Variants in GMPS observed in about 807,000 individuals in gnomAD.
GMPS encodes the protein guanosine monophosphate synthase.
GMPS carries 15 observed loss-of-function variants against 77.9 expected under a neutral mutation model. The observed-to-expected ratio is 0.19, with a 90% CI of 0.13 to 0.30. The LOEUF (loss-of-function observed/expected upper bound fraction) is 0.30. Ranked by LOEUF, GMPS falls within the 10% of genes least tolerant of loss-of-function variation. The probability of loss-of-function intolerance (pLI) is 1.00; values close to 1 mark genes in which losing one functional copy is unlikely to be tolerated. For synonymous variants in GMPS, 224 were observed against 275.9 expected (o/e 0.81, Z 1.86); for missense variants, 590 against 838.8 (o/e 0.70, Z 3.66).
intron 10 of GMPS, among the ~76,000 whole-genome samples, chr3:155,920,511 G>GA (rs1755291612): frequency 2.0e-5 from 3 of 149,066 alleles, no homozygotes; most frequent in Non-Finnish European, 4.4e-5. Flanking sequence ...GGAGGCAGAG[G>GA]TTGCAGTGAG....
rs1392819702 is a variant in GMPS at position 155,942,635 on chromosome 3, G to C, written c.*4943G>C. 1 of 228,860 alleles carries C rather than the reference G, an allele frequency of 4.4e-6. No individual in the cohort carries two copies. The highest frequency in any genetic ancestry group is 8.7e-6 in the Non-Finnish European group (1 of 115,324). The allele number at this position is 228,860 out of a possible 1,614,324, so 14.2% of individuals were successfully genotyped here. On this transcript the variant is annotated 3_prime_UTR_variant, in exon 16 of 16. Coordinates refer to ENST00000496455, the MANE Select transcript of GMPS (RefSeq NM_003875.3). ...CCCAGGACCTGTTTGGTAATAATTAGGACAGCTGACATACTTGTTGCTAAT... is the reference window on the plus strand; with the variant it reads ...CCCAGGACCTGTTTGGTAATAATTACGACAGCTGACATACTTGTTGCTAAT...
Position 155,941,570 on chromosome 3 carries a change from C to T in GMPS, c.*3878C>T. On this transcript the variant is annotated 3_prime_UTR_variant, in exon 16 of 16. Coordinates refer to ENST00000496455, the MANE Select transcript of GMPS (RefSeq NM_003875.3). ...GCAATGTTATAACCACTTTCCCACA[C>T]TACTCCCCTCCAGAAATCTCATTGA... 4.5e-6 allele frequency: 1 copy of T among 221,188 alleles called. No individual in the cohort carries two copies. Among genetic ancestry groups the T allele is most frequent in the Middle Eastern group, 1.4e-3 (1 of 718 alleles). The allele number at this position is 221,188 out of a possible 1,614,324, so 13.7% of individuals were successfully genotyped here.
At chr3:155,932,314 A>ACACACC (rs1491435889) in intron 13 of GMPS, among the ~76,000 whole-genome samples, 2 of 146,342 alleles carry the variant, frequency 1.4e-5, no homozygotes, top group Non-Finnish European at 3.0e-5. Flanking sequence ...ACACACACAC[A>ACACACC]CCCCTACAAA....
intron 1 of GMPS, 130 bp downstream of exon 1, chr3:155,871,027 C>A: frequency 1.2e-6 from 1 of 816,470 alleles, no homozygotes; most frequent in Non-Finnish European, 1.7e-6. Context: ...CCCCGGGCAG[C>A]CACGCGTCGT....
Position 155,914,486 on chromosome 3 carries a change from C to T in GMPS, c.954C>T (p.Thr318=). Residue 318 remains threonine (T), a synonymous_variant, in exon 8 of 16, where the codon ACC becomes ACT. Transcript: ENST00000496455. ...TACCAATATCAGATGAAGATAGAAC[C>T]CCACGGAAAAGAATTAGCAAAACGT... is the stretch of plus-strand genomic sequence containing the variant. ...TTLPISDEDR[T]PRKRISKTLN... 6.2e-7 allele frequency: 1 copy of T among 1,604,286 alleles called. No homozygotes were observed. The highest frequency in any genetic ancestry group is 8.5e-7 in the Non-Finnish European group (1 of 1,175,444).
intron 1 of GMPS, among the ~76,000 whole-genome samples, chr3:155,882,220 G>A (rs1373764450): frequency 6.6e-6 from 1 of 152,202 alleles, no homozygotes; most frequent in Non-Finnish European, 1.5e-5. Context: ...GCAGACTTAA[G>A]TGATAAAATC....
chr3:155,892,887 C>T (rs1000679984), intron 1 of GMPS, among the ~76,000 whole-genome samples: 8 of 152,238 alleles, frequency 5.3e-5, no homozygotes, highest in African/African-American at 1.7e-4. Context: ...CTGCCTTGGC[C>T]TCCCAAAGTG....
At chr3:155,926,412 G>A (rs949765415) in intron 12 of GMPS, among the ~76,000 whole-genome samples, 1 of 152,044 alleles carries the variant, frequency 6.6e-6, no homozygotes, top group South Asian at 2.1e-4. Context: ...TGGTTAAATG[G>A]AGACACTAGA....
intron 1 of GMPS, among the ~76,000 whole-genome samples, chr3:155,884,647 A>T (rs1162593977): frequency 1.3e-5 from 2 of 152,178 alleles, no homozygotes; most frequent in Non-Finnish European, 2.9e-5. Flanking sequence ...TTCCCCTCAA[A>T]TTAGAAGAAA....
In GMPS at chr3:155,893,693, G is replaced by T; in HGVS notation, c.203G>T (p.Gly68Val). ...ETPAFAIKEQ[G>V]FRAIIISGGP... is the part of the protein sequence containing the mutation. ...CCAGCATTTGCTATAAAGGAACAAG[G>T]ATTCCGGTAGACTTTTCACTAATCT... Residue 68 changes from glycine to valine, a missense_variant, in exon 2 of 16, where the codon GGA (glycine) becomes GTA (valine). Physicochemically the swap from Gly to Val is moderately radical, Grantham distance 109 (BLOSUM62 -3). Transcript: ENST00000496455. 1 of 1,580,742 alleles carries T rather than the reference G, an allele frequency of 6.3e-7. No homozygotes were observed. The highest frequency in any genetic ancestry group is 8.7e-7 in the Non-Finnish European group (1 of 1,154,512).
intron 1 of GMPS, among the ~76,000 whole-genome samples, chr3:155,888,784 C>T (rs968006355): frequency 2.0e-5 from 3 of 152,166 alleles, no homozygotes; most frequent in Admixed American, 6.5e-5. Context: ...GGGGTTTTAC[C>T]ACGTTAGCCA....
At chr3:155,931,699 C>G (rs1376667286) in intron 12 of GMPS, 66 bp from the exon 13 acceptor site, 8 of 435,104 alleles carry the variant, frequency 1.8e-5, no homozygotes, top group South Asian at 3.3e-5. Context: ...AAAAAAAAAG[C>G]TTTGTCAAGT....
intron 1 of GMPS, among the ~76,000 whole-genome samples, chr3:155,874,690 G>A (rs1460243252): frequency 6.6e-6 from 1 of 151,936 alleles, no homozygotes; most frequent in Non-Finnish European, 1.5e-5. Flanking sequence ...CCTTTAGCGT[G>A]GGCCAACTTG....
intron 1 of GMPS, among the ~76,000 whole-genome samples, chr3:155,871,718 C>T (rs372720707): frequency 1.3e-5 from 2 of 152,248 alleles, no homozygotes; most frequent in African/African-American, 4.8e-5. Flanking sequence ...GGACGCGAGC[C>T]GTGCCAGCTC....
rs184370849 is a variant in GMPS at position 155,908,379 on chromosome 3, T to G, written c.526+2116T>G. Among the ~76,000 whole-genome samples the G allele has an allele frequency of 5.9e-5, 9 of 152,368 alleles. No homozygotes were observed. In the East Asian group the frequency reaches 1.7e-3, roughly 29 times the overall value. On this transcript the variant is annotated intron_variant, in intron 5 of 15. Transcript: ENST00000496455. ...GGGGGCCTGTTAACAGGAAGCCTTC[T>G]CACTTTGCTGAGAGTTTTTTTCCCT...
rs1315594378 is a variant in GMPS, at chr3:155,940,923, A to C, written c.*3231A>C. 4.7e-6 allele frequency: 1 copy of C among 212,838 alleles called. No homozygotes were observed. The highest frequency in any genetic ancestry group is 7.0e-5 in the East Asian group (1 of 14,226). 13.2% of individuals were successfully genotyped at this position (212,838 alleles called of 1,614,324 possible). ...AAACACCCATCAAAGTTTTCCTGGTAGGAATCTCTCTTTACTGCGTGTTTT... is the reference window on the plus strand; with the variant it reads ...AAACACCCATCAAAGTTTTCCTGGTCGGAATCTCTCTTTACTGCGTGTTTT... On this transcript the variant is annotated 3_prime_UTR_variant, in exon 16 of 16. Coordinates refer to ENST00000496455, the MANE Select transcript of GMPS (RefSeq NM_003875.3).
chr3:155,901,030 G>T (rs1754722038), intron 3 of GMPS, among the ~76,000 whole-genome samples: 1 of 152,076 alleles, frequency 6.6e-6, no homozygotes, highest in African/African-American at 2.4e-5. Context: ...TGCTTTAGAA[G>T]AAAAATGTCT....
chr3:155,909,243 C>T (rs929084241), intron 5 of GMPS, among the ~76,000 whole-genome samples: 1 of 152,050 alleles, frequency 6.6e-6, no homozygotes, highest in East Asian at 1.9e-4. Flanking sequence ...CATCTATTGC[C>T]CCATAGGTAA....
At chr3:155,925,144 C>A in intron 11 of GMPS, 97 bp from the exon 12 acceptor site, 2 of 1,125,290 alleles carry the variant, frequency 1.8e-6, no homozygotes, top group Non-Finnish European at 1.3e-6. Context: ...CAATCCACTG[C>A]TAAAAACCAG....
Sources: allele counts gnomAD v4.1 joint callset (sites outside exome capture counted in the v4.1 genomes callset), GRCh38; gene constraint gnomAD v4.1.1; transcripts MANE v1.5; gene names NCBI Gene and HGNC (gene_info 2026-07-23, HGNC 2026-07-21).